The following PTBP3 variants were observed in gnomAD, a reference collection of about 807,000 sequenced individuals.
PTBP3 encodes polypyrimidine tract binding protein 3, also known as polypyrimidine tract-binding protein 3.
In PTBP3, 20 loss-of-function variants were observed where a neutral mutation model predicts 58.7. The ratio of observed to expected loss-of-function variants is 0.34; its 90% CI spans 0.24 to 0.50. The LOEUF (loss-of-function observed/expected upper bound fraction) is 0.50. PTBP3 is among the 20% of genes least tolerant of loss of function. PTBP3 has a pLI of 0.98. For missense variants in PTBP3, 509 were observed against 637.2 expected (o/e 0.80, Z 2.17); for synonymous variants, 185 against 219.8 (o/e 0.84, Z 1.40).
At chr9:112,227,894 T>C (rs1835053233) in intron 11 of PTBP3, among the ~76,000 whole-genome samples, 1 of 152,194 alleles carries the variant, frequency 6.6e-6, no homozygotes, top group African/African-American at 2.4e-5. Context: ...ACATAGTAAG[T>C]ATTCATGAAA....
At chr9:112,348,442 C>G in the PTBP3 span, among the ~76,000 whole-genome samples, 1 of 152,208 alleles carries the variant, frequency 6.6e-6, no homozygotes, top group Non-Finnish European at 1.5e-5. Context: ...TGACCTTTCT[C>G]TACCAACAAT....
At chr9:112,257,689 C>T (rs1017697869) in intron 5 of PTBP3, among the ~76,000 whole-genome samples, 1 of 152,136 alleles carries the variant, frequency 6.6e-6, no homozygotes, top group Admixed American at 6.5e-5. Flanking sequence ...CCTGTAATCC[C>T]AGCACTTTGG....
At chr9:112,231,586 T>C (rs1428415600) in intron 9 of PTBP3, among the ~76,000 whole-genome samples, 173 bp from the exon 10 acceptor site, 4 of 152,100 alleles carry the variant, frequency 2.6e-5, no homozygotes, top group Non-Finnish European at 5.9e-5. Flanking sequence ...CTTAAGCATT[T>C]TAATTTGAAT....
intron 1 of PTBP3, among the ~76,000 whole-genome samples, chr9:112,326,201 G>A (rs1830149752): frequency 6.6e-6 from 1 of 151,950 alleles, no homozygotes; most frequent in Admixed American, 6.6e-5. Context: ...CTTAAGACAT[G>A]TGCATTTCAT....
At chr9:112,245,505 A>AAC (rs536912403) in intron 7 of PTBP3, among the ~76,000 whole-genome samples, 3,022 of 151,574 alleles carry the variant, frequency 0.02, 59 homozygotes, top group Middle Eastern at 0.055. Context: ...TGTTTTTTAA[A>AAC]ACACACACAC....
At chr9:112,353,580 C>T in the PTBP3 span, among the ~76,000 whole-genome samples, 12 of 152,192 alleles carry the variant, frequency 7.9e-5, no homozygotes, top group Admixed American at 3.3e-4. Context: ...TCCACTTAAC[C>T]TGTTATGTAT....
chr9:112,347,341 C>CTT, the PTBP3 span, among the ~76,000 whole-genome samples: 4,000 of 130,834 alleles, frequency 0.031, 252 homozygotes, highest in African/African-American at 0.11. Flanking sequence ...ACTGGGATAC[C>CTT]TTTTTTTTTT....
chr9:112,333,942 C>G (rs1217046482), upstream of PTBP3, among the ~76,000 whole-genome samples: 2 of 150,722 alleles, frequency 1.3e-5, no homozygotes, highest in Admixed American at 6.6e-5. Context: ...ACCCCGCCCG[C>G]CCTCCCGCGG....
chr9:112,332,853 G>C (rs746022561), intron 1 of PTBP3: 1 of 1,611,640 alleles, frequency 6.2e-7, no homozygotes, highest in Admixed American at 1.7e-5. Flanking sequence ...TGGTCACTAA[G>C]TCCAGACCCC....
intron 2 of PTBP3, among the ~76,000 whole-genome samples, chr9:112,290,996 C>T (rs368424947): frequency 2.6e-5 from 4 of 151,614 alleles, no homozygotes; most frequent in Non-Finnish European, 2.9e-5. Flanking sequence ...CCAAGGTGAG[C>T]GGATCACCTG....
intron 3 of PTBP3, among the ~76,000 whole-genome samples, chr9:112,270,960 G>A (rs1250433830): frequency 2.0e-5 from 3 of 152,156 alleles, no homozygotes; most frequent in East Asian, 1.9e-4. Flanking sequence ...CCGAGTAGCT[G>A]GGATTACAGG....
At chr9:112,252,382 T>TTAGTCAGCTTATGTG (rs1836162134) in intron 6 of PTBP3, 1 of 348,394 alleles carries the variant, frequency 2.9e-6, no homozygotes, top group Admixed American at 4.8e-5. Flanking sequence ...GATGGCTCTA[T>TTAGTCAGCTTATGTG]TAGTCAGCTT....
intron 1 of PTBP3, among the ~76,000 whole-genome samples, chr9:112,317,346 A>C (rs1829750981): frequency 6.6e-6 from 1 of 151,450 alleles, no homozygotes; most frequent in Non-Finnish European, 1.5e-5. Context: ...ACTTGAGCCC[A>C]GGATCCACCA....
At chr9:112,262,286 A>G in intron 5 of PTBP3, 149 bp downstream of exon 5, 1 of 644,686 alleles carries the variant, frequency 1.6e-6, no homozygotes, top group Non-Finnish European at 2.3e-6. Context: ...AATTACCTCT[A>G]ATTTCTATGA....
At chr9:112,313,344 C>A (rs565539596) in intron 1 of PTBP3, among the ~76,000 whole-genome samples, 1 of 152,334 alleles carries the variant, frequency 6.6e-6, no homozygotes, top group African/African-American at 2.4e-5. Context: ...ACTGGGACTA[C>A]AGGTGTGTGC....
At chr9:112,232,698 G>A (rs1378366754) in intron 8 of PTBP3, among the ~76,000 whole-genome samples, 1 of 152,062 alleles carries the variant, frequency 6.6e-6, no homozygotes, top group Non-Finnish European at 1.5e-5. Context: ...CATTTTATAT[G>A]GGAAAAACAT....
chr9:112,373,630 G>A, the PTBP3 span, among the ~76,000 whole-genome samples: 4 of 152,252 alleles, frequency 2.6e-5, no homozygotes, highest in South Asian at 4.1e-4. Flanking sequence ...GAGAACATAC[G>A]TAATCTTCAA....
At chr9:112,347,003 C>G in the PTBP3 span, among the ~76,000 whole-genome samples, 1 of 152,128 alleles carries the variant, frequency 6.6e-6, no homozygotes. Context: ...GGATTACAGG[C>G]CACTTTAGCA....
the PTBP3 span, among the ~76,000 whole-genome samples, chr9:112,340,874 C>T: frequency 1.3e-5 from 1 of 74,506 alleles, no homozygotes; most frequent in Non-Finnish European, 2.3e-5. Flanking sequence ...GAAACTCTGT[C>T]TCAAAAAAAA....
Sources: gnomAD v4.1 joint callset for allele counts (sites outside exome capture counted in the v4.1 genomes callset) on GRCh38, gnomAD v4.1.1 for gene constraint, MANE v1.5 for transcripts, NCBI Gene and HGNC (gene_info 2026-07-23, HGNC 2026-07-21) for gene names.